Variants in ABRAXAS2 observed in about 807,000 individuals in gnomAD.
ABRAXAS2 encodes the protein abraxas 2, BRISC complex subunit.
In ABRAXAS2, 23 loss-of-function variants were observed where a neutral mutation model predicts 49.0. The ratio of observed to expected loss-of-function variants is 0.47; its 90% CI spans 0.34 to 0.66. ABRAXAS2 has a LOEUF of 0.66. ABRAXAS2 is among the 30% of genes least tolerant of loss of function. The pLI is 0.01. For missense variants in ABRAXAS2, 443 were observed against 511.9 expected (o/e 0.87, Z 1.30); for synonymous variants, 168 against 180.2 (o/e 0.93, Z 0.54).
chr10:124,808,859 A>G (rs1950765168), intron 2 of ABRAXAS2, among the ~76,000 whole-genome samples: 1 of 152,024 alleles, frequency 6.6e-6, no homozygotes, highest in Non-Finnish European at 1.5e-5. Context: ...AGCGGGGTGC[A>G]GTGGCTCATG....
intron 7 of ABRAXAS2, among the ~76,000 whole-genome samples, chr10:124,830,341 G>T (rs1005101071): frequency 1.3e-5 from 2 of 152,174 alleles, no homozygotes; most frequent in Non-Finnish European, 2.9e-5. Flanking sequence ...AGCTACTTGG[G>T]AAGCTGAGGA....
rs1025427793 is a variant in ABRAXAS2 at position 124,835,566 on chromosome 10, A to G, written c.*595A>G. On this transcript the variant is annotated 3_prime_UTR_variant, in exon 9 of 9. Coordinates refer to ENST00000298492, the MANE Select transcript of ABRAXAS2 (RefSeq NM_032182.4). ...ACTTTTTTCTACTAGCTTGATATGT[A>G]TTATCACTTAAAATGGTTGCCTTTA... The G allele has an allele frequency of 6.6e-6, 1 of 152,564 alleles. No individual in the cohort carries two copies. The highest frequency in any genetic ancestry group is 6.6e-5 in the Admixed American group (1 of 15,264). The allele number at this position is 152,564 out of a possible 1,614,324, so 9.5% of individuals were successfully genotyped here.
intron 4 of ABRAXAS2, among the ~76,000 whole-genome samples, chr10:124,823,472 G>C (rs574531198): frequency 7.2e-5 from 11 of 152,368 alleles, no homozygotes; most frequent in African/African-American, 2.4e-4. Flanking sequence ...TTAGGCTAAG[G>C]CCAAACAAAG....
Position 124,826,618 on chromosome 10 carries a change from C to G in ABRAXAS2, c.291C>G (p.Phe97Leu). The change falls in exon 5 of 9, where the codon TTC (phenylalanine) becomes TTG (leucine). Residue 97 changes from phenylalanine (F) to leucine (L), a missense_variant. By Grantham distance (22) the Phe-to-Leu change is conservative. This residue lies in a region of ABRAXAS2 where 166 missense variants were observed against 247.3 expected (regional missense o/e 0.67). Transcript: ENST00000298492. ...RRKKVIGWYR[F>L]RRNTQQQMSY... ...AGAAAGTCATTGGGTGGTACAGATT[C>G]CGGCGCAATACGCAGCAGCAGATGT... The G allele has an allele frequency of 6.2e-7, 1 of 1,613,722 alleles. No homozygotes were observed. Among genetic ancestry groups the G allele is most frequent in the Non-Finnish European group, 8.5e-7 (1 of 1,179,856 alleles).
At chr10:124,834,426 G>T (rs896978773) in intron 8 of ABRAXAS2, 76 bp from the exon 9 acceptor site, 7 of 1,264,052 alleles carry the variant, frequency 5.5e-6, no homozygotes, top group Admixed American at 2.4e-5. Flanking sequence ...GAACATTCAG[G>T]TTGGCCGTGT....
chr10:124,811,539 C>A (rs1266272520), intron 2 of ABRAXAS2, among the ~76,000 whole-genome samples: 1 of 151,948 alleles, frequency 6.6e-6, no homozygotes, highest in Admixed American at 6.6e-5. Context: ...AGATTGAGAC[C>A]ATCCTAGCTA....
intron 2 of ABRAXAS2, among the ~76,000 whole-genome samples, chr10:124,807,666 G>A (rs1230533069): frequency 6.6e-6 from 1 of 152,152 alleles, no homozygotes; most frequent in African/African-American, 2.4e-5. Context: ...GATATGAAAT[G>A]TTTTTATGTC....
chr10:124,807,040 C>T (rs1237735184), intron 2 of ABRAXAS2, 119 bp downstream of exon 2: 9 of 722,816 alleles, frequency 1.2e-5, no homozygotes, highest in African/African-American at 3.6e-5. Context: ...ATGCCAGGCG[C>T]GGTGGCTCAC....
rs1554925794 is a variant in ABRAXAS2 at position 124,831,454 on chromosome 10, C to A, written c.769C>A (p.Gln257Lys). 46 of 1,560,470 alleles carry A rather than the reference C, an allele frequency of 2.9e-5. 1 individual carries two copies. In the South Asian group the frequency reaches 4.9e-4, roughly 17 times the overall value. The change falls in exon 8 of 9, where the codon CAA (glutamine) becomes AAA (lysine). Residue 257 changes from glutamine to lysine, a missense_variant. Physicochemically the swap from Gln to Lys is moderately conservative, Grantham distance 53. Coordinates refer to ENST00000298492, the MANE Select transcript of ABRAXAS2 (RefSeq NM_032182.4). ...CACTCAGAGGAAAAATGAAAAGGAACAAGAAAGAAGTAAGTTTCTTATTAA... is the reference window on the plus strand; with the variant it reads ...CACTCAGAGGAAAAATGAAAAGGAAAAAGAAAGAAGTAAGTTTCTTATTAA... ...QITQRKNEKE[Q>K]ERRLQQAVLS... is the part of the protein sequence containing the mutation.
intron 2 of ABRAXAS2, among the ~76,000 whole-genome samples, chr10:124,810,707 C>T (rs1290269585): frequency 2.6e-5 from 4 of 151,044 alleles, no homozygotes; most frequent in East Asian, 4.0e-4. Flanking sequence ...TTCAGCCTCC[C>T]GAGTAGGTGG....
intron 4 of ABRAXAS2, among the ~76,000 whole-genome samples, chr10:124,820,638 C>G (rs560556164): frequency 6.6e-6 from 1 of 152,202 alleles, no homozygotes; most frequent in East Asian, 1.9e-4. Flanking sequence ...TGCACCACCA[C>G]ACCTGGCTAA....
chr10:124,815,315 C>T (rs1172234627), intron 2 of ABRAXAS2, among the ~76,000 whole-genome samples: 2 of 152,136 alleles, frequency 1.3e-5, no homozygotes, highest in Non-Finnish European at 2.9e-5. Flanking sequence ...TTGCCTCAGC[C>T]TCCCAAGTAG....
intron 8 of ABRAXAS2, among the ~76,000 whole-genome samples, chr10:124,834,126 C>T (rs1448862400): frequency 6.6e-6 from 1 of 152,100 alleles, no homozygotes; most frequent in African/African-American, 2.4e-5. Flanking sequence ...CACAGCAAGC[C>T]CCACGCCAGG....
chr10:124,827,041 C>CG, intron 5 of ABRAXAS2, among the ~76,000 whole-genome samples: 1 of 145,486 alleles, frequency 6.9e-6, no homozygotes, highest in South Asian at 2.2e-4. Context: ...TGCAGTGAGC[C>CG]AAGATTGTGC....
At chr10:124,831,494 A>G (rs781077918) in intron 8 of ABRAXAS2, 31 bp downstream of exon 8, 18 of 1,201,634 alleles carry the variant, frequency 1.5e-5, no homozygotes, top group Admixed American at 1.1e-4. Context: ...ACCATTCAGT[A>G]TCAGGGAAAT....
At chr10:124,807,034 C>G in intron 2 of ABRAXAS2, 113 bp downstream of exon 2, 1 of 825,758 alleles carries the variant, frequency 1.2e-6, no homozygotes, top group Non-Finnish European at 1.9e-6. Flanking sequence ...AAGAGTATGC[C>G]AGGCGCGGTG....
At chr10:124,814,073 C>T (rs1950807784) in intron 2 of ABRAXAS2, among the ~76,000 whole-genome samples, 1 of 152,082 alleles carries the variant, frequency 6.6e-6, no homozygotes, top group Non-Finnish European at 1.5e-5. Context: ...CTCACTGCAA[C>T]CTCTGCCTCC....
chr10:124,806,143 C>CA (rs560321717), intron 1 of ABRAXAS2, among the ~76,000 whole-genome samples: 2,060 of 140,206 alleles, frequency 0.015, 9 homozygotes, highest in Admixed American at 0.02. Flanking sequence ...TACTAAAATA[C>CA]AAAAAAAAAA....
At chr10:124,825,393 T>A (rs2134169517) in intron 4 of ABRAXAS2, among the ~76,000 whole-genome samples, 1 of 151,990 alleles carries the variant, frequency 6.6e-6, no homozygotes, top group African/African-American at 2.4e-5. Context: ...GATATCAGAA[T>A]TAATTGCTTT....
Sources: allele counts gnomAD v4.1 joint callset (sites outside exome capture counted in the v4.1 genomes callset), GRCh38; gene constraint gnomAD v4.1.1; regional missense constraint gnomAD v4.1.1; transcripts MANE v1.5; gene names NCBI Gene and HGNC (gene_info 2026-07-23, HGNC 2026-07-21).